PIEZO2: variants seen among roughly 807,000 people sequenced by gnomAD.
PIEZO2 encodes piezo type mechanosensitive ion channel component 2, also known as piezo-type mechanosensitive ion channel component 2.
PIEZO2 carries 172 observed loss-of-function variants against 337.3 expected under a neutral mutation model. The ratio of observed to expected loss-of-function variants is 0.51; its 90% CI spans 0.45 to 0.58. The LOEUF (loss-of-function observed/expected upper bound fraction) is 0.58. Among genes scored for constraint, PIEZO2 ranks in the 20% least tolerant of loss-of-function variants. The pLI is 0.00. For synonymous variants in PIEZO2, 1,251 were observed against 1,228.5 expected (o/e 1.02, Z -0.38); for missense variants, 3,028 against 3,391.3 (o/e 0.89, Z 2.66).
rs148023411 is a variant in PIEZO2, at chr18:11,069,524, C to G, written c.65-3302G>C. 6.7e-3 allele frequency among the ~76,000 whole-genome samples: 1,017 copies of G among 152,268 alleles called. 10 individuals carry two copies. The highest frequency in any genetic ancestry group is 0.023 in the African/African-American group (976 of 41,540). ...ACAAATTACATATAGAAGAAATGGACTTCAACACAATAAAGGCCATATGTA... is the reference window on the plus strand; with the variant it reads ...ACAAATTACATATAGAAGAAATGGAGTTCAACACAATAAAGGCCATATGTA... On this transcript the variant is annotated intron_variant, in intron 1 of 55. Coordinates refer to ENST00000674853, the MANE Select transcript of PIEZO2 (RefSeq NM_001378183.1). This position sits in a 1 kb window ranked among gnomAD's most constrained non-coding sequence, Gnocchi z 4.9.
At chr18:11,090,040 G>A (rs1184215391) in intron 1 of PIEZO2, among the ~76,000 whole-genome samples, 1 of 152,216 alleles carries the variant, frequency 6.6e-6, no homozygotes, top group African/African-American at 2.4e-5. Context: ...GCTCTTCTGA[G>A]AGAAGGGTAG....
rs1275783872 is a variant in PIEZO2 at position 11,047,111 on chromosome 18, T to C, written c.160+19016A>G. On this transcript the variant is annotated intron_variant, in intron 2 of 55. Coordinates refer to ENST00000674853, the MANE Select transcript of PIEZO2 (RefSeq NM_001378183.1). The surrounding 1 kb of genome is among the most constrained non-coding windows in gnomAD (Gnocchi z 7.2). ...TTTCCATGGGGGCATGTGCAGGGCA[T>C]GGCCTGTCCAGGTACACTCAGGAGC... is the stretch of plus-strand genomic sequence containing the variant. Among the ~76,000 whole-genome samples, 2 of 152,220 alleles carry C rather than the reference T, an allele frequency of 1.3e-5. No homozygotes were observed. The highest frequency in any genetic ancestry group is 2.4e-5 in the African/African-American group (1 of 41,466).
intron 1 of PIEZO2, among the ~76,000 whole-genome samples, chr18:11,072,257 A>C (rs2038369590): frequency 6.6e-6 from 1 of 152,196 alleles, no homozygotes; most frequent in African/African-American, 2.4e-5. Flanking sequence ...TGAATGAATG[A>C]ATAAAAACAA....
chr18:10,937,641 C>A (rs1375688907), intron 3 of PIEZO2, among the ~76,000 whole-genome samples: 4 of 152,188 alleles, frequency 2.6e-5, no homozygotes, highest in Non-Finnish European at 5.9e-5. Flanking sequence ...TGGATTCCCA[C>A]AAAATTGGAT....
rs1469142522 is a variant in PIEZO2, at chr18:10,795,030, C to G, written c.1528-28G>C. On this transcript the variant is annotated intron_variant, in intron 12 of 55. Transcript: ENST00000674853. The surrounding 1 kb of genome is among the most constrained non-coding windows in gnomAD (Gnocchi z 4.4). ...CCGGAGGACAGAAAAGGAAACACGA[C>G]CATGGTCAATACAATGCTCAGTCCC... is the stretch of plus-strand genomic sequence containing the variant. 1 of 1,527,056 alleles carries G rather than the reference C, an allele frequency of 6.5e-7. No individual in the cohort carries two copies. The highest frequency in any genetic ancestry group is 1.2e-5 in the South Asian group (1 of 83,706). The allele number at this position is 1,527,056 out of a possible 1,614,324, so 94.6% of individuals were successfully genotyped here.
intron 1 of PIEZO2, among the ~76,000 whole-genome samples, chr18:11,119,777 C>T (rs907439391): frequency 2.6e-5 from 4 of 152,074 alleles, no homozygotes; most frequent in Admixed American, 6.6e-5. Context: ...ATGTGGGAGG[C>T]GACTGTTGCA....
At chr18:10,739,137 T>C (rs1281350671) in intron 33 of PIEZO2, 1 of 152,190 alleles carries the variant, frequency 6.6e-6, no homozygotes, top group Non-Finnish European at 1.5e-5. Context: ...GACACAACAA[T>C]ACAGCACACA....
At position 10,784,878 on chromosome 18, in the gene PIEZO2, C is replaced by T. The variant is rs1388457434; in HGVS notation, c.2398G>A (p.Val800Met). Reference sequence around the variant, plus strand: ...AAGTAGTGCAGGTGTAAAATGCACACCAGCAGAAAGGAGGTTGGGATGAAT... The same window carrying T: ...AAGTAGTGCAGGTGTAAAATGCACATCAGCAGAAAGGAGGTTGGGATGAAT... ...RIFIPTSFLL[V>M]CILHLHYFHD... is the part of the protein sequence containing the mutation. The change falls in exon 17 of 56, where the codon GTG becomes ATG. Residue 800 changes from valine to methionine, a missense_variant. Coordinates refer to ENST00000674853, the MANE Select transcript of PIEZO2 (RefSeq NM_001378183.1). This position sits in a 1 kb window ranked among gnomAD's most constrained non-coding sequence, Gnocchi z 4.5. The T allele has an allele frequency of 6.5e-7, 1 of 1,537,578 alleles. No individual in the cohort carries two copies. The highest frequency in any genetic ancestry group is 8.7e-7 in the Non-Finnish European group (1 of 1,146,954).
chr18:10,733,508 G>A (rs1359937801), intron 35 of PIEZO2, among the ~76,000 whole-genome samples: 1 of 145,100 alleles, frequency 6.9e-6, no homozygotes, highest in African/African-American at 2.6e-5. Flanking sequence ...GGAGAGCAGT[G>A]GCGCCATCTC....
chr18:10,712,740 A>G (rs1441165913), intron 39 of PIEZO2, among the ~76,000 whole-genome samples: 1 of 152,226 alleles, frequency 6.6e-6, no homozygotes, highest in Non-Finnish European at 1.5e-5. Context: ...AAATGTGCAT[A>G]TTCTTGGGTA....
At position 11,077,056 on chromosome 18, in the gene PIEZO2, T is replaced by C. The variant is rs1438610231; in HGVS notation, c.65-10834A>G. 6.6e-6 allele frequency among the ~76,000 whole-genome samples: 1 copy of C among 152,334 alleles called. No individual in the cohort carries two copies. Among genetic ancestry groups the C allele is most frequent in the East Asian group, 1.9e-4 (1 of 5,184 alleles). ...TGCAAATGAGGAAATAAAGCTTTTA[T>C]GCTCATACATAATTTCTTAAACTAT... On this transcript the variant is annotated intron_variant, in intron 1 of 55. Transcript: ENST00000674853. This position sits in a 1 kb window ranked among gnomAD's most constrained non-coding sequence, Gnocchi z 4.8.
Position 10,787,092 on chromosome 18 carries a change from A to G in PIEZO2, c.2262T>C (p.Tyr754=), listed in dbSNP as rs1450070523. 1 of 1,535,464 alleles carries G rather than the reference A, an allele frequency of 6.5e-7. No individual in the cohort carries two copies. The highest frequency in any genetic ancestry group is 2.0e-5 in the Admixed American group (1 of 50,830). Residue 754 remains tyrosine (Y), a synonymous_variant, in exon 16 of 56, where the codon TAT becomes TAC. Coordinates refer to ENST00000674853, the MANE Select transcript of PIEZO2 (RefSeq NM_001378183.1). ...TMLVLIFIYT[Y]QFENFPGLWQ... is the part of the protein sequence containing the mutation. ...ACAGGCCTGGGAAGTTCTCAAACTG[A>G]TATGTGTATATAAAGATAAGCACCA...
Position 10,813,360 on chromosome 18 carries a change from C to T in PIEZO2, c.918-6086G>A, listed in dbSNP as rs183081713. On this transcript the variant is annotated intron_variant, in intron 7 of 55. Coordinates refer to ENST00000674853, the MANE Select transcript of PIEZO2 (RefSeq NM_001378183.1). The surrounding 1 kb of genome is among the most constrained non-coding windows in gnomAD (Gnocchi z 4.2). ...GCGAAACCAATCGCCAGAACTTTTT[C>T]ATCTTGCAAAACTAAAATTCTGTAC... Among the ~76,000 whole-genome samples the T allele has an allele frequency of 2.6e-4, 39 of 152,302 alleles. No individual in the cohort carries two copies. The highest frequency in any genetic ancestry group is 1.9e-3 in the Admixed American group (29 of 15,298).
chr18:10,998,359 C>T (rs1250940402), intron 2 of PIEZO2, among the ~76,000 whole-genome samples: 1 of 36,148 alleles, frequency 2.8e-5, no homozygotes, highest in African/African-American at 1.3e-4. Flanking sequence ...CATACACATA[C>T]ACACACACAC....
intron 24 of PIEZO2, 31 bp downstream of exon 24, chr18:10,760,880 A>G: frequency 1.4e-6 from 2 of 1,480,348 alleles, no homozygotes; most frequent in Non-Finnish European, 1.8e-6. Flanking sequence ...CATGGAAAAG[A>G]GAAATAAAAC....
Position 10,814,043 on chromosome 18 carries a change from C to T in PIEZO2, c.918-6769G>A, listed in dbSNP as rs571343196. Among the ~76,000 whole-genome samples, 17 of 151,776 alleles carry T rather than the reference C, an allele frequency of 1.1e-4. No individual in the cohort carries two copies. The East Asian group carries it at 1.9e-3, about 17-fold the overall frequency. On this transcript the variant is annotated intron_variant, in intron 7 of 55. Coordinates refer to ENST00000674853, the MANE Select transcript of PIEZO2 (RefSeq NM_001378183.1). ...AGTGCAGTGGCTCAATCTCGGCTCT[C>T]GGCAAGCTCCACCTCCCTGGTTCAT...
At chr18:10,987,061 T>C (rs915349676) in intron 2 of PIEZO2, among the ~76,000 whole-genome samples, 2 of 151,898 alleles carry the variant, frequency 1.3e-5, no homozygotes, top group African/African-American at 4.8e-5. Flanking sequence ...TTAAAACAAA[T>C]ACAAATAAAT....
At chr18:10,879,448 T>G (rs1487710108) in intron 4 of PIEZO2, among the ~76,000 whole-genome samples, 2 of 132,206 alleles carry the variant, frequency 1.5e-5, no homozygotes, top group Non-Finnish European at 3.0e-5. Flanking sequence ...CAGGCTGGAG[T>G]GCAGTAGTGC....
Position 11,016,333 on chromosome 18 carries a change from G to A in PIEZO2, c.161-36673C>T, listed in dbSNP as rs907852047. Among the ~76,000 whole-genome samples, 15 of 152,112 alleles carry A rather than the reference G, an allele frequency of 9.9e-5. No homozygotes were observed. Among genetic ancestry groups the A allele is most frequent in the African/African-American group, 3.1e-4 (13 of 41,410 alleles). ...ATGTGGCGGTAGAGACGGTCAGAGC[G>A]AAAAAACAGGCACAGAGCAAGGACA... On this transcript the variant is annotated intron_variant, in intron 2 of 55. Transcript: ENST00000674853. The surrounding 1 kb of genome is among the most constrained non-coding windows in gnomAD (Gnocchi z 5.6).
Sources: allele counts gnomAD v4.1 joint callset (sites outside exome capture counted in the v4.1 genomes callset), GRCh38; gene constraint gnomAD v4.1.1; non-coding constraint Gnocchi (gnomAD v3.1); transcripts MANE v1.5; gene names NCBI Gene and HGNC (gene_info 2026-07-23, HGNC 2026-07-21).